LDB2: variants seen among roughly 807,000 people sequenced by gnomAD.
LDB2 encodes the protein LIM domain binding 2, also known as LIM domain-binding protein 2.
In LDB2, 12 loss-of-function variants were observed where a neutral mutation model predicts 44.3. The ratio of observed to expected loss-of-function variants is 0.27; its 90% CI spans 0.17 to 0.44. The LOEUF is 0.44. LDB2 is among the 20% of genes least tolerant of loss of function. LDB2 has a pLI of 1.00. For synonymous variants in LDB2, 164 were observed against 174.8 expected (o/e 0.94, Z 0.49); for missense variants, 344 against 473.5 (o/e 0.73, Z 2.54).
intron 2 of LDB2, among the ~76,000 whole-genome samples, chr4:16,750,183 GTAT>G (rs1011116974): frequency 6.6e-6 from 1 of 152,198 alleles, no homozygotes; most frequent in Non-Finnish European, 1.5e-5. Context: ...ATATAATACA[GTAT>G]TATTGACTAT....
At chr4:16,754,118 T>C (rs1766012477) in intron 2 of LDB2, among the ~76,000 whole-genome samples, 1 of 152,192 alleles carries the variant, frequency 6.6e-6, no homozygotes, top group South Asian at 2.1e-4. Flanking sequence ...CACTTACACA[T>C]AGTTTAACCA....
At chr4:16,801,309 G>A (rs957822813) in intron 1 of LDB2, among the ~76,000 whole-genome samples, 3 of 152,254 alleles carry the variant, frequency 2.0e-5, no homozygotes, top group South Asian at 4.1e-4. Flanking sequence ...TAGACTGCAC[G>A]TCGTTAGGAT....
chr4:16,679,016 A>G (rs1049145699), intron 2 of LDB2, among the ~76,000 whole-genome samples: 3 of 152,342 alleles, frequency 2.0e-5, no homozygotes, highest in Non-Finnish European at 2.9e-5. Context: ...CCCTGACCTC[A>G]TTGTTAGGTT....
chr4:16,683,866 C>CA (rs1356717929), intron 2 of LDB2, among the ~76,000 whole-genome samples: 3 of 152,204 alleles, frequency 2.0e-5, no homozygotes, highest in East Asian at 3.9e-4. Context: ...CCTGTGGCCC[C>CA]ATCACCTGCA....
intron 2 of LDB2, chr4:16,674,320 C>T: frequency 8.0e-7 from 1 of 1,242,796 alleles, no homozygotes; most frequent in Non-Finnish European, 1.1e-6. Flanking sequence ...GAATGCACAA[C>T]TGCAGAAAGA....
chr4:16,503,015 C>T (rs1044787279), intron 7 of LDB2, 142 bp from the exon 8 acceptor site: 29 of 1,575,788 alleles, frequency 1.8e-5, no homozygotes, highest in Non-Finnish European at 2.2e-5. Context: ...TGTCGGGGGC[C>T]GAGACGCATA....
chr4:16,674,787 GCA>G (rs34491459), intron 2 of LDB2, among the ~76,000 whole-genome samples: 81,942 of 150,520 alleles, frequency 0.54, 22,123 homozygotes, highest in Admixed American at 0.6. Flanking sequence ...TCTACCGAAA[GCA>G]CACACACACA....
intron 1 of LDB2, among the ~76,000 whole-genome samples, chr4:16,892,812 T>A (rs1723800495): frequency 6.6e-6 from 1 of 152,094 alleles, no homozygotes; most frequent in East Asian, 1.9e-4. Context: ...AAAAGCTAAA[T>A]GTTTAAAAAA....
At chr4:16,505,343 G>A (rs1387320297) in intron 7 of LDB2, among the ~76,000 whole-genome samples, 2 of 151,558 alleles carry the variant, frequency 1.3e-5, no homozygotes, top group Non-Finnish European at 2.9e-5. Context: ...TTGTGTGTGT[G>A]TGTGAGAGAG....
intron 3 of LDB2, 112 bp from the exon 4 acceptor site, chr4:16,588,944 C>G: frequency 8.9e-7 from 1 of 1,119,600 alleles, no homozygotes; most frequent in South Asian, 1.5e-5. Context: ...GCAGTGCTAG[C>G]TCTTGGTAAA....
chr4:16,822,561 G>A (rs1278696673), intron 1 of LDB2, among the ~76,000 whole-genome samples: 1 of 152,036 alleles, frequency 6.6e-6, no homozygotes, highest in African/African-American at 2.4e-5. Flanking sequence ...TTTCGCCCTG[G>A]CTGGAGTGCT....
chr4:16,676,385 T>C (rs1172893903), intron 2 of LDB2, among the ~76,000 whole-genome samples: 1 of 152,208 alleles, frequency 6.6e-6, no homozygotes, highest in Admixed American at 6.5e-5. Context: ...GCTAATCCAA[T>C]GCAGCTGTGA....
intron 5 of LDB2, among the ~76,000 whole-genome samples, chr4:16,555,508 A>T (rs561046054): frequency 6.6e-6 from 1 of 152,326 alleles, no homozygotes; most frequent in Admixed American, 6.5e-5. Context: ...ATACATGCTA[A>T]TCACATGAAG....
chr4:16,613,863 A>T (rs988736705), intron 2 of LDB2, among the ~76,000 whole-genome samples: 3 of 152,238 alleles, frequency 2.0e-5, no homozygotes, highest in African/African-American at 7.2e-5. Context: ...TTATAGATTC[A>T]ATGCTATTCC....
Position 16,597,498 on chromosome 4 carries a change from C to G in LDB2, c.236-1623G>C, listed in dbSNP as rs190154974. Among the ~76,000 whole-genome samples the G allele has an allele frequency of 1.3e-3, 200 of 152,248 alleles. 1 individual carries two copies. Among genetic ancestry groups the G allele is most frequent in the African/African-American group, 4.6e-3 (191 of 41,560 alleles). On this transcript the variant is annotated intron_variant, in intron 2 of 7. Transcript: ENST00000304523. ...AAAGAAAACTTTGTAATGCTAAAAT[C>G]CATATTGTACTTCACTAAACAGATA...
intron 2 of LDB2, among the ~76,000 whole-genome samples, chr4:16,607,502 T>C (rs1359279706): frequency 1.3e-5 from 2 of 152,374 alleles, no homozygotes; most frequent in South Asian, 4.1e-4. Flanking sequence ...GAAGAAATGA[T>C]TTATGCTCTC....
chr4:16,881,636 C>T (rs1720159011), intron 1 of LDB2, among the ~76,000 whole-genome samples: 1 of 140,564 alleles, frequency 7.1e-6, no homozygotes, highest in Non-Finnish European at 1.5e-5. Context: ...GACTAAGTAA[C>T]CACCTGGAAG....
At chr4:16,530,466 C>T (rs1413353981) in intron 5 of LDB2, among the ~76,000 whole-genome samples, 1 of 152,156 alleles carries the variant, frequency 6.6e-6, no homozygotes, top group Non-Finnish European at 1.5e-5. Flanking sequence ...TCAGTTTGCC[C>T]AGCAGCAGAA....
chr4:16,861,258 C>T (rs1335310206), intron 1 of LDB2, among the ~76,000 whole-genome samples: 1 of 152,054 alleles, frequency 6.6e-6, no homozygotes. Flanking sequence ...CCAGTTATAG[C>T]CCTGAATCAC....
Sources: allele counts gnomAD v4.1 joint callset (sites outside exome capture counted in the v4.1 genomes callset), GRCh38; gene constraint gnomAD v4.1.1; transcripts MANE v1.5; gene names NCBI Gene and HGNC (gene_info 2026-07-23, HGNC 2026-07-21).